CCDC178: variants seen among roughly 807,000 people sequenced by gnomAD.
CCDC178 encodes the protein coiled-coil domain-containing protein 178.
In CCDC178, 126 loss-of-function variants were observed where a neutral mutation model predicts 117.4. That is an observed-to-expected ratio of 1.07 (90% CI 0.93 to 1.24). CCDC178 has a LOEUF of 1.24. CCDC178 is among the 50% of genes most tolerant of loss of function. The pLI, the probability that CCDC178 is intolerant of heterozygous loss-of-function variation, is 0.00. For missense variants in CCDC178, 1,030 were observed against 986.9 expected (o/e 1.04, Z -0.59); for synonymous variants, 283 against 313.4 (o/e 0.90, Z 1.02).
intron 11 of CCDC178, among the ~76,000 whole-genome samples, chr18:33,295,267 C>G (rs1462109036): frequency 6.6e-6 from 1 of 152,034 alleles, no homozygotes; most frequent in Non-Finnish European, 1.5e-5. Context: ...AAAAGGGAAG[C>G]TCAAGCTAAA....
intron 21 of CCDC178, among the ~76,000 whole-genome samples, chr18:33,089,305 GA>G (rs1228776246): frequency 6.6e-6 from 1 of 152,014 alleles, no homozygotes; most frequent in Non-Finnish European, 1.5e-5. Flanking sequence ...TTAGATATAA[GA>G]AAAACCTGAA....
intron 22 of CCDC178, among the ~76,000 whole-genome samples, chr18:32,972,608 A>G (rs1001321871): frequency 5.9e-5 from 9 of 152,082 alleles, no homozygotes; most frequent in Non-Finnish European, 1.0e-4. Flanking sequence ...GATAAAAATG[A>G]GTATTGCAGA....
intron 3 of CCDC178, among the ~76,000 whole-genome samples, chr18:33,400,510 G>C (rs1264076484): frequency 6.6e-6 from 1 of 152,152 alleles, no homozygotes; most frequent in Non-Finnish European, 1.5e-5. Context: ...CTGCTTCACT[G>C]TGCACTTTCA....
At chr18:33,390,968 C>CA (rs1440240032) in intron 4 of CCDC178, among the ~76,000 whole-genome samples, 33 of 151,308 alleles carry the variant, frequency 2.2e-4, no homozygotes, top group African/African-American at 7.7e-4. Context: ...TGTTAAACCT[C>CA]ACTAAAGCAT....
At chr18:33,383,775 G>GA (rs34710634) in intron 5 of CCDC178, among the ~76,000 whole-genome samples, 2 of 152,118 alleles carry the variant, frequency 1.3e-5, no homozygotes, top group African/African-American at 4.8e-5. Context: ...CAAAAACACT[G>GA]AAAATTCTCA....
chr18:33,246,234 C>T (rs1399346209), intron 14 of CCDC178, among the ~76,000 whole-genome samples: 1 of 151,756 alleles, frequency 6.6e-6, no homozygotes, highest in African/African-American at 2.4e-5. Context: ...TTAACTGGAG[C>T]GGTATCTAAA....
intron 11 of CCDC178, among the ~76,000 whole-genome samples, chr18:33,296,802 G>A (rs2062111359): frequency 6.6e-6 from 1 of 152,096 alleles, no homozygotes; most frequent in Admixed American, 6.5e-5. Context: ...CAAGGCAGGT[G>A]GATCACCAGA....
intron 20 of CCDC178, among the ~76,000 whole-genome samples, chr18:33,186,681 A>G (rs2058798528): frequency 6.6e-6 from 1 of 152,018 alleles, no homozygotes; most frequent in African/African-American, 2.4e-5. Context: ...GAATCTACCT[A>G]GCCTATAAAG....
At chr18:33,309,112 A>G (rs898455521) in intron 11 of CCDC178, among the ~76,000 whole-genome samples, 3 of 152,062 alleles carry the variant, frequency 2.0e-5, no homozygotes, top group Non-Finnish European at 4.4e-5. Context: ...TCTGCTTGAT[A>G]TTTTAAGATG....
intron 5 of CCDC178, among the ~76,000 whole-genome samples, chr18:33,375,677 A>G (rs557265052): frequency 6.6e-6 from 1 of 152,352 alleles, no homozygotes; most frequent in Admixed American, 6.5e-5. Context: ...GCTGGAAGGG[A>G]TAAAGGAGGC....
At chr18:33,221,328 T>G (rs1039815286) in intron 18 of CCDC178, among the ~76,000 whole-genome samples, 2 of 152,106 alleles carry the variant, frequency 1.3e-5, no homozygotes, top group Non-Finnish European at 2.9e-5. Flanking sequence ...CCCACCTCTA[T>G]TGAAGAAGTG....
At chr18:33,290,330 T>A (rs1009089778) in intron 12 of CCDC178, among the ~76,000 whole-genome samples, 4 of 152,162 alleles carry the variant, frequency 2.6e-5, no homozygotes, top group Admixed American at 6.5e-5. Flanking sequence ...ACATTACAAA[T>A]CAATTTTTAA....
chr18:33,226,694 C>G (rs1377484495), intron 16 of CCDC178, 99 bp downstream of exon 16: 1 of 729,776 alleles, frequency 1.4e-6, no homozygotes, highest in Non-Finnish European at 2.2e-6. Flanking sequence ...GGCTTGCAAA[C>G]CAAGTAGTGA....
intron 17 of CCDC178, among the ~76,000 whole-genome samples, chr18:33,224,209 T>C (rs1178873054): frequency 1.3e-5 from 2 of 152,186 alleles, no homozygotes; most frequent in Non-Finnish European, 2.9e-5. Flanking sequence ...AGGACAAGAA[T>C]GTATAACTCT....
chr18:33,287,064 A>T lies in CCDC178; in HGVS notation c.1176+6095T>A, dbSNP rs569067302. ...CAAAGGCCATTGTTTTTAGAAATGA[A>T]AAGGAAACAATGTGTTTTCATAGAT... is the stretch of plus-strand genomic sequence containing the variant. On this transcript the variant is annotated intron_variant, in intron 12 of 22. Transcript: ENST00000383096. Among the ~76,000 whole-genome samples, 5 of 126,402 alleles carry T rather than the reference A, an allele frequency of 4.0e-5. No individual in the cohort carries two copies. The Middle Eastern group carries it at 0.019, about 482-fold the overall frequency. The allele number at this position is 126,402 out of a possible 152,430, so 82.9% of individuals were successfully genotyped here.
intron 6 of CCDC178, among the ~76,000 whole-genome samples, chr18:33,359,775 G>C (rs2063101609): frequency 6.6e-6 from 1 of 151,298 alleles, no homozygotes; most frequent in Non-Finnish European, 1.5e-5. Flanking sequence ...AAAGGAGGAG[G>C]GAGAGCTAAA....
At chr18:33,264,761 G>A (rs1319017751) in intron 14 of CCDC178, among the ~76,000 whole-genome samples, 2 of 152,082 alleles carry the variant, frequency 1.3e-5, no homozygotes, top group Non-Finnish European at 2.9e-5. Context: ...AGGAATGTGA[G>A]TGGTATTAAC....
intron 22 of CCDC178, among the ~76,000 whole-genome samples, chr18:32,947,070 T>C (rs2054374274): frequency 6.6e-6 from 1 of 152,108 alleles, no homozygotes; most frequent in Admixed American, 6.6e-5. Context: ...CTGTCTATTA[T>C]AATGTCTCAG....
intron 20 of CCDC178, 58 bp downstream of exon 20, chr18:33,211,838 G>A: frequency 7.0e-7 from 1 of 1,423,670 alleles, no homozygotes; most frequent in African/African-American, 1.5e-5. Flanking sequence ...CAAACTAGCT[G>A]CTAATTTGAC....
Sources: gnomAD v4.1 joint callset for allele counts (sites outside exome capture counted in the v4.1 genomes callset) on GRCh38, gnomAD v4.1.1 for gene constraint, MANE v1.5 for transcripts, NCBI Gene and HGNC (gene_info 2026-07-23, HGNC 2026-07-21) for gene names.